The following NOTCH3 variants were observed in gnomAD, a reference collection of about 807,000 sequenced individuals.
The protein encoded by NOTCH3 is neurogenic locus notch homolog protein 3.
A neutral mutation model predicts 213.3 loss-of-function variants in NOTCH3; 86 were observed. The observed-to-expected ratio is 0.40, with a 90% CI of 0.34 to 0.48. The LOEUF is 0.48. Among genes scored for constraint, NOTCH3 ranks in the 20% least tolerant of loss-of-function variants. The pLI, the probability that NOTCH3 is intolerant of heterozygous loss-of-function variation, is 0.57. For missense variants in NOTCH3, 2,783 were observed against 3,272.6 expected, an observed-to-expected ratio of 0.85 and a Z score of 3.65; for synonymous variants, 1,354 against 1,355.9, an observed-to-expected ratio of 1.00 and a Z score of 0.03.
At position 15,160,353 on chromosome 19, in the gene NOTCH3, A is replaced by G. The variant is rs2046629664; in HGVS notation, c.*309T>C. The G allele has an allele frequency of 5.7e-6, 2 of 350,904 alleles. No homozygotes were observed. Among genetic ancestry groups the G allele is most frequent in the Non-Finnish European group, 1.0e-5 (2 of 193,950 alleles). 21.7% of individuals were successfully genotyped at this position (350,904 alleles called of 1,614,324 possible). A position where few individuals can be genotyped will look rare whatever the true frequency, so the allele number is the denominator to read the frequency against. ...AATAATAATAATTCATTCATGTCAG[A>G]GTGTAAGGAAATGAGAGGCCAGAAG... is the stretch of plus-strand genomic sequence containing the variant. On this transcript the variant is annotated 3_prime_UTR_variant, in exon 33 of 33. Transcript: ENST00000263388.
rs774985086 is a variant in NOTCH3 at position 15,191,465 on chromosome 19, C to T, written c.995G>A (p.Arg332His). The change falls in exon 6 of 33, where the codon CGC (arginine) becomes CAC (histidine). Residue 332 changes from arginine to histidine, a missense_variant. This residue lies in a region of NOTCH3 where 708 missense variants were observed against 906.6 expected (regional missense o/e 0.78). Coordinates refer to ENST00000263388, the MANE Select transcript of NOTCH3 (RefSeq NM_000435.3). ...VCFHGATCHD[R>H]VASFYCACPM... ...GCAGGCACAGTAGAAAGAAGCCACG[C>T]GGTCATGGCAGGTGGCCCCATGGAA... The T allele has an allele frequency of 8.1e-6, 13 of 1,613,506 alleles. No homozygotes were observed. The highest frequency in any genetic ancestry group is 1.7e-5 in the Admixed American group (1 of 60,020).
chr19:15,164,561 A>AAG (rs2046670669), intron 31 of NOTCH3, among the ~76,000 whole-genome samples: 1 of 151,192 alleles, frequency 6.6e-6, no homozygotes, highest in African/African-American at 2.4e-5. Flanking sequence ...AATTAAAAAA[A>AAG]GGGCAACATA....
Position 15,187,926 on chromosome 19 carries a change from T to G in NOTCH3, c.1561A>C (p.Lys521Gln). ...CASTPCRNGAKCVDQPDGYEC... is the reference protein window; with the variant it reads ...CASTPCRNGAQCVDQPDGYEC... The stretch of plus-strand genomic sequence containing the variant: ...TAGCCATCGGGCTGGTCCACGCATT[T>G]GGCGCCATTCCTGCAGGGCGTGCTG... The change falls in exon 10 of 33, where the codon AAA (lysine) becomes CAA (glutamine). Residue 521 changes from lysine to glutamine, a missense_variant. By Grantham distance (53) the Lys-to-Gln change is moderately conservative. Transcript: ENST00000263388. 1 of 1,550,164 alleles carries G rather than the reference T, an allele frequency of 6.5e-7. No individual in the cohort carries two copies. Among genetic ancestry groups the G allele is most frequent in the Non-Finnish European group, 8.7e-7 (1 of 1,146,976 alleles).
In NOTCH3 at chr19:15,192,477, G is replaced by T. The variant is rs1256046042; in HGVS notation, c.240C>A (p.Asp80Glu). 6.8e-6 allele frequency: 11 copies of T among 1,608,698 alleles called. No homozygotes were observed. The South Asian group carries it at 8.9e-5, about 13-fold the overall frequency. The change falls in exon 3 of 33, where the codon GAC (aspartate) becomes GAA (glutamate). Residue 80 changes from aspartate (D) to glutamate (E), a missense_variant. Coordinates refer to ENST00000263388, the MANE Select transcript of NOTCH3 (RefSeq NM_000435.3). ...CAGCACAGGGGCCTGAGTGACAGGG[G>T]TCCTCCAGCTGACACCGCTCACCCA... ...GWVGERCQLE[D>E]PCHSGPCAGR...
intron 23 of NOTCH3, 161 bp downstream of exon 23, chr19:15,178,662 G>C: frequency 1.5e-6 from 1 of 675,666 alleles, no homozygotes. Flanking sequence ...TGGGATTACA[G>C]GTGTGAGCTA....
chr19:15,172,362 T>G (rs1233982914), intron 25 of NOTCH3, among the ~76,000 whole-genome samples: 1 of 152,198 alleles, frequency 6.6e-6, no homozygotes, highest in Non-Finnish European at 1.5e-5. Flanking sequence ...CCCCCAGGTA[T>G]CTCCTTGGAG....
In NOTCH3 at chr19:15,185,506, A is replaced by AGAT; in HGVS notation, c.2122_2124dup (p.Ile708dup). 1 of 1,613,598 alleles carries AGAT rather than the reference A, an allele frequency of 6.2e-7. No homozygotes were observed. Among genetic ancestry groups the AGAT allele is most frequent in the Non-Finnish European group, 8.5e-7 (1 of 1,179,846 alleles). On this transcript the variant is annotated inframe_insertion, in exon 13 of 33. Transcript: ENST00000263388. This position sits in a 1 kb window ranked among gnomAD's most constrained non-coding sequence, Gnocchi z 4.2. ...CCTCACCCGCCAGGTGCATCATAGC[A>AGAT]GATGCCGTGACTGCAGGGCTCATGG...
chr19:15,189,675 G>A (rs557449847), intron 6 of NOTCH3, among the ~76,000 whole-genome samples: 23 of 152,096 alleles, frequency 1.5e-4, no homozygotes, highest in Middle Eastern at 3.4e-3. Flanking sequence ...GTGCCACCAC[G>A]CCCGGCTAAT....
Position 15,160,126 on chromosome 19 carries a change from G to A in NOTCH3, c.*536C>T. The stretch of plus-strand genomic sequence containing the variant: ...ACCTGGGTCGTGTACTCGGTACACG[G>A]GATCCCAGTCATGCCTGTGTACTAG... On this transcript the variant is annotated 3_prime_UTR_variant, in exon 33 of 33. Coordinates refer to ENST00000263388, the MANE Select transcript of NOTCH3 (RefSeq NM_000435.3). 4.2e-6 allele frequency: 1 copy of A among 235,478 alleles called. No individual in the cohort carries two copies. The highest frequency in any genetic ancestry group is 8.4e-6 in the Non-Finnish European group (1 of 119,554). 14.6% of individuals were successfully genotyped at this position (235,478 alleles called of 1,614,324 possible).
chr19:15,176,689 G>A (rs2046792268), intron 24 of NOTCH3, among the ~76,000 whole-genome samples: 1 of 147,810 alleles, frequency 6.8e-6, no homozygotes, highest in Non-Finnish European at 1.5e-5. Context: ...CTTGAGCCCA[G>A]GAGGTAGAGA....
At position 15,192,523 on chromosome 19, in the gene NOTCH3, T is replaced by A; in HGVS notation, c.198-4A>T. Reference sequence around the variant, plus strand: ...ACCCACCCAGCCAGGCGGGCACCTGTGGGCAGAGATGGCTTGGTTGGGCAG... The same window carrying A: ...ACCCACCCAGCCAGGCGGGCACCTGAGGGCAGAGATGGCTTGGTTGGGCAG... On this transcript the variant is annotated splice_polypyrimidine_tract_variant and splice_region_variant and intron_variant, in intron 2 of 32. Coordinates refer to ENST00000263388, the MANE Select transcript of NOTCH3 (RefSeq NM_000435.3). 6.3e-7 allele frequency: 1 copy of A among 1,576,584 alleles called. No individual in the cohort carries two copies. Among genetic ancestry groups the A allele is most frequent in the Non-Finnish European group, 8.6e-7 (1 of 1,161,694 alleles).
intron 23 of NOTCH3, chr19:15,178,363 A>C: frequency 4.2e-6 from 2 of 474,022 alleles, no homozygotes; most frequent in South Asian, 2.9e-5. Context: ...TTCCCTTCAA[A>C]CCTCCAGGAA....
chr19:15,176,055 G>C (rs927281878), intron 24 of NOTCH3, among the ~76,000 whole-genome samples: 4 of 151,878 alleles, frequency 2.6e-5, no homozygotes, highest in Admixed American at 1.3e-4. Flanking sequence ...CCCACAGATA[G>C]CCATATAGAG....
intron 25 of NOTCH3, among the ~76,000 whole-genome samples, chr19:15,173,754 G>C (rs150791703): frequency 7.3e-4 from 2 of 2,738 alleles, no homozygotes; most frequent in African/African-American, 6.8e-3. Flanking sequence ...AAAGAAGAAG[G>C]AGAAGGAGAA....
In NOTCH3 at chr19:15,197,571, A is replaced by AG. The variant is rs749829137; in HGVS notation, c.125dup (p.Cys43LeufsTer32). The AG allele has an allele frequency of 1.9e-6, 3 of 1,611,408 alleles. No homozygotes were observed. Among genetic ancestry groups the AG allele is most frequent in the Non-Finnish European group, 1.7e-6 (2 of 1,179,718 alleles). ...TTGCACACGGGCTTCCGTCCAGGCAAGGGGGGGCTGTGTGGGGGTGAAGGA... is the reference window on the plus strand; with the variant it reads ...TTGCACACGGGCTTCCGTCCAGGCAAGGGGGGGGCTGTGTGGGGGTGAAGGA... On this transcript the variant is annotated frameshift_variant, in exon 2 of 33. Transcript: ENST00000263388. LOFTEE classifies it high-confidence loss of function.
At chr19:15,181,276 C>T (rs911553567) in intron 17 of NOTCH3, 114 bp from the exon 18 acceptor site, 53 of 968,762 alleles carry the variant, frequency 5.5e-5, no homozygotes, top group Middle Eastern at 6.1e-4. Flanking sequence ...ACCCTTATCT[C>T]GGCAAGAAGC....
Position 15,180,864 on chromosome 19 carries a change from TG to T in NOTCH3, c.2995-37del, listed in dbSNP as rs747200234. 5.0e-6 allele frequency: 8 copies of T among 1,609,616 alleles called. No homozygotes were observed. In the South Asian group the frequency reaches 5.5e-5, roughly 11 times the overall value. On this transcript the variant is annotated intron_variant, in intron 18 of 32. Transcript: ENST00000263388. ...AGCACTCAGAGTCAGTACTGTGGGGTGGGGGGTAGTCTGGGAGAAACTGTGC... is the reference window on the plus strand; with the variant it reads ...AGCACTCAGAGTCAGTACTGTGGGGTGGGGGTAGTCTGGGAGAAACTGTGC...
rs765570204 is a variant in NOTCH3 at position 15,192,227 on chromosome 19, G to A, written c.412C>T (p.Pro138Ser). 1 of 1,607,424 alleles carries A rather than the reference G, an allele frequency of 6.2e-7. No individual in the cohort carries two copies. The highest frequency in any genetic ancestry group is 1.1e-5 in the South Asian group (1 of 90,306). ...CAHGARCSVG[P>S]DGRFLCSCPP... ...CAGGAGCAGAGGAAGCGTCCATCGG[G>A]CCCCACTGAGCAGCGGGCACCGTGG... Residue 138 changes from proline to serine, a missense_variant, in exon 4 of 33, where the codon CCC (proline) becomes TCC (serine). Physicochemically the swap from Pro to Ser is moderately conservative, Grantham distance 74. This residue lies in a region of NOTCH3 where 708 missense variants were observed against 906.6 expected (regional missense o/e 0.78). Transcript: ENST00000263388.
intron 24 of NOTCH3, 113 bp from the exon 25 acceptor site, chr19:15,174,513 G>T (rs1019642335): frequency 1.3e-6 from 1 of 786,052 alleles, no homozygotes; most frequent in African/African-American, 1.7e-5. Context: ...CTTGCACAGG[G>T]GACTGGAATA....
Sources: allele counts gnomAD v4.1 joint callset (sites outside exome capture counted in the v4.1 genomes callset), GRCh38; gene constraint gnomAD v4.1.1; regional missense constraint gnomAD v4.1.1; non-coding constraint Gnocchi (gnomAD v3.1); transcripts MANE v1.5; gene names NCBI Gene and HGNC (gene_info 2026-07-23, HGNC 2026-07-21).